Variants in MTNR1A observed in about 807,000 individuals in gnomAD.
MTNR1A encodes melatonin receptor type 1A.
A neutral mutation model predicts 5.5 loss-of-function variants in MTNR1A; 7 were observed. The ratio of observed to expected loss-of-function variants is 1.28; its 90% CI spans 0.73 to 2.40. The LOEUF (loss-of-function observed/expected upper bound fraction) is 2.40, where lower values mean the gene tolerates loss of function less well. MTNR1A is among the 30% of genes most tolerant of loss of function. The pLI is 0.00. For synonymous variants in MTNR1A, 196 were observed against 202.7 expected (o/e 0.97, Z 0.28); for missense variants, 441 against 464.4 (o/e 0.95, Z 0.46).
intron 1 of MTNR1A, among the ~76,000 whole-genome samples, chr4:186,543,238 T>C (rs1737067579): frequency 6.6e-6 from 1 of 152,222 alleles, no homozygotes; most frequent in Non-Finnish European, 1.5e-5. Flanking sequence ...GGGTTATGAT[T>C]GCACAGTAAG....
chr4:186,550,158 A>C (rs1737238574), intron 1 of MTNR1A, among the ~76,000 whole-genome samples: 1 of 152,196 alleles, frequency 6.6e-6, no homozygotes, highest in Non-Finnish European at 1.5e-5. Flanking sequence ...GAGATATCAC[A>C]TACAGCGCTC....
chr4:186,543,541 T>C (rs1737075193), intron 1 of MTNR1A, among the ~76,000 whole-genome samples: 1 of 152,202 alleles, frequency 6.6e-6, no homozygotes, highest in Non-Finnish European at 1.5e-5. Flanking sequence ...CATGAACAAT[T>C]TGTGAATATA....
rs552938416 is a variant in MTNR1A, at chr4:186,544,726, G to A, written c.185-10169C>T. The stretch of plus-strand genomic sequence containing the variant: ...CTGCGGACACTTTCTTTCCTTCTGC[G>A]TGTGGGTTAGCAGGGCCCATTACCA... On this transcript the variant is annotated intron_variant, in intron 1 of 1. Coordinates refer to ENST00000307161, the MANE Select transcript of MTNR1A (RefSeq NM_005958.4). 7.9e-4 allele frequency among the ~76,000 whole-genome samples: 120 copies of A among 152,198 alleles called. 1 individual carries two copies. Among genetic ancestry groups the A allele is most frequent in the Middle Eastern group, 3.4e-3 (1 of 294 alleles).
At chr4:186,542,891 G>T (rs1185824445) in intron 1 of MTNR1A, among the ~76,000 whole-genome samples, 1 of 152,092 alleles carries the variant, frequency 6.6e-6, no homozygotes, top group East Asian at 1.9e-4. Context: ...GAGCCCAGGG[G>T]TTCAAGACCT....
chr4:186,538,891 G>A (rs758847106), intron 1 of MTNR1A, among the ~76,000 whole-genome samples: 27 of 152,184 alleles, frequency 1.8e-4, no homozygotes, highest in Non-Finnish European at 3.5e-4. Context: ...AGGGACACTG[G>A]TAGTCACGGC....
At position 186,555,501 on chromosome 4, in the gene MTNR1A, C is replaced by G. The variant is rs1560900121; in HGVS notation, c.-136G>C. 3.1e-6 allele frequency: 2 copies of G among 635,250 alleles called. No individual in the cohort carries two copies. The highest frequency in any genetic ancestry group is 9.4e-5 in the East Asian group (2 of 21,216). The allele number at this position is 635,250 out of a possible 1,614,324, so 39.4% of individuals were successfully genotyped here. A position where few individuals can be genotyped will look rare whatever the true frequency, so the allele number is the denominator to read the frequency against. On this transcript the variant is annotated 5_prime_UTR_variant, in exon 1 of 2. Coordinates refer to ENST00000307161, the MANE Select transcript of MTNR1A (RefSeq NM_005958.4). The surrounding 1 kb of genome is among the most constrained non-coding windows in gnomAD (Gnocchi z 4.1). The stretch of plus-strand genomic sequence containing the variant: ...CTCCTCCACGCCGCGCCCCCGGACG[C>G]CCACGCCGCGCCGGACGCCACGGCC...
intron 1 of MTNR1A, among the ~76,000 whole-genome samples, chr4:186,553,773 A>G (rs1291636289): frequency 2.6e-5 from 4 of 152,328 alleles, no homozygotes; most frequent in Non-Finnish European, 5.9e-5. Context: ...CGGCCTCCCA[A>G]AGTGCTGGGA....
chr4:186,535,023 G>C (rs1332384198), intron 1 of MTNR1A, among the ~76,000 whole-genome samples: 2 of 152,176 alleles, frequency 1.3e-5, no homozygotes, highest in African/African-American at 4.8e-5. Flanking sequence ...CATAGAGAGG[G>C]AGTTAAGGGC....
At chr4:186,536,529 G>T (rs948405942) in intron 1 of MTNR1A, among the ~76,000 whole-genome samples, 1 of 152,016 alleles carries the variant, frequency 6.6e-6, no homozygotes, top group African/African-American at 2.4e-5. Flanking sequence ...GCTTCCCTGC[G>T]TCTCCAGATG....
chr4:186,553,469 C>G lies in MTNR1A; in HGVS notation c.184+1713G>C, dbSNP rs140958377. Among the ~76,000 whole-genome samples the G allele has an allele frequency of 2.0e-5, 3 of 152,306 alleles. No individual in the cohort carries two copies. The East Asian group carries it at 5.8e-4, about 29-fold the overall frequency. The stretch of plus-strand genomic sequence containing the variant: ...TTCTTAAGTTCTTCTTCAGAAAACA[C>G]AAGAAGTAAAATTGTTCAGGCGTGA... On this transcript the variant is annotated intron_variant, in intron 1 of 1. Transcript: ENST00000307161.
At chr4:186,548,677 T>C (rs1737204598) in intron 1 of MTNR1A, among the ~76,000 whole-genome samples, 1 of 151,400 alleles carries the variant, frequency 6.6e-6, no homozygotes, top group Admixed American at 6.6e-5. Flanking sequence ...GTCACACGCA[T>C]GAGATGGCAA....
In MTNR1A at chr4:186,555,547, C is replaced by T; in HGVS notation, c.-182G>A. 2.9e-6 allele frequency: 1 copy of T among 342,260 alleles called. No homozygotes were observed. The highest frequency in any genetic ancestry group is 4.9e-6 in the Non-Finnish European group (1 of 204,584). 21.2% of individuals were successfully genotyped at this position (342,260 alleles called of 1,614,324 possible). On this transcript the variant is annotated 5_prime_UTR_variant, in exon 1 of 2. Transcript: ENST00000307161. The surrounding 1 kb of genome is among the most constrained non-coding windows in gnomAD (Gnocchi z 4.1). ...CGGCCAGGTGACACCTGGTGTCCGC[C>T]GCGAGCCCGCTTGGATTCCCCGCCC...
chr4:186,554,246 G>A (rs1179055372), intron 1 of MTNR1A, among the ~76,000 whole-genome samples: 1 of 147,272 alleles, frequency 6.8e-6, no homozygotes, highest in Non-Finnish European at 1.5e-5. Flanking sequence ...GGTGGGGGAG[G>A]CAGGGCAGGG....
intron 1 of MTNR1A, among the ~76,000 whole-genome samples, chr4:186,549,573 C>T (rs1370254431): frequency 1.3e-5 from 2 of 152,168 alleles, no homozygotes; most frequent in African/African-American, 4.8e-5. Flanking sequence ...CTTTAAGCTC[C>T]AGCTACCATC....
Position 186,533,817 on chromosome 4 carries a change from T to C in MTNR1A, c.925A>G (p.Ile309Val). 6.2e-7 allele frequency: 1 copy of C among 1,614,196 alleles called. No homozygotes were observed. Among genetic ancestry groups the C allele is most frequent in the South Asian group, 1.1e-5 (1 of 91,080 alleles). ...NQNFRKEYRR[I>V]IVSLCTARVF... ...CTGGCTGTACAGAGCGAGACTATAA[T>C]TCTCCTGTATTCCTTCCTGAAATTT... Residue 309 changes from isoleucine (I) to valine (V), a missense_variant, in exon 2 of 2, where the codon ATT (isoleucine) becomes GTT (valine). Physicochemically the swap from Ile to Val is conservative, Grantham distance 29. Coordinates refer to ENST00000307161, the MANE Select transcript of MTNR1A (RefSeq NM_005958.4).
intron 1 of MTNR1A, among the ~76,000 whole-genome samples, chr4:186,535,214 C>T (rs562287976): frequency 5.3e-5 from 8 of 152,224 alleles, no homozygotes; most frequent in African/African-American, 1.9e-4. Flanking sequence ...GTGGTGAGCG[C>T]CATGTACCGT....
At chr4:186,542,505 C>G (rs1397835932) in intron 1 of MTNR1A, among the ~76,000 whole-genome samples, 11 of 152,166 alleles carry the variant, frequency 7.2e-5, no homozygotes, top group Non-Finnish European at 1.6e-4. Context: ...AACAGCTGAC[C>G]TGATATGTTG....
chr4:186,555,392 G>A lies in MTNR1A; in HGVS notation c.-27C>T. The A allele has an allele frequency of 7.2e-7, 1 of 1,380,262 alleles. No homozygotes were observed. The highest frequency in any genetic ancestry group is 1.5e-5 in the African/African-American group (1 of 65,782). 85.5% of individuals were successfully genotyped at this position (1,380,262 alleles called of 1,614,324 possible). A position where few individuals can be genotyped will look rare whatever the true frequency, so the allele number is the denominator to read the frequency against. On this transcript the variant is annotated 5_prime_UTR_variant, in exon 1 of 2. Transcript: ENST00000307161. This position sits in a 1 kb window ranked among gnomAD's most constrained non-coding sequence, Gnocchi z 4.1. ...GTCCCTGTGCGCGTCCCGGCCGCGG[G>A]GCCATCGCCCGCCTCGTCCGCCCGC...
chr4:186,534,257 T>C lies in MTNR1A; in HGVS notation c.485A>G (p.Asn162Ser), dbSNP rs1199505841. ...WLLTLAAVLP[N>S]LRAGTLQYDP... ...GTACTGGAGAGTCCCTGCACGGAGG[T>C]TGGGCAGGACGGCCGCCAGCGTCAG... is the stretch of plus-strand genomic sequence containing the variant. Residue 162 changes from asparagine (N) to serine (S), a missense_variant, in exon 2 of 2, where the codon AAC becomes AGC. Asn to Ser is a conservative substitution (Grantham distance 46). Transcript: ENST00000307161. 1 of 1,613,792 alleles carries C rather than the reference T, an allele frequency of 6.2e-7. No homozygotes were observed. The highest frequency in any genetic ancestry group is 2.2e-5 in the East Asian group (1 of 44,874).
Sources: allele counts gnomAD v4.1 joint callset (sites outside exome capture counted in the v4.1 genomes callset), GRCh38; gene constraint gnomAD v4.1.1; non-coding constraint Gnocchi (gnomAD v3.1); transcripts MANE v1.5; gene names NCBI Gene and HGNC (gene_info 2026-07-23, HGNC 2026-07-21).